The following VWC2 variants were observed in gnomAD, a reference collection of about 807,000 sequenced individuals.
VWC2 encodes the protein brorin.
A neutral mutation model predicts 29.8 loss-of-function variants in VWC2; 14 were observed. That is an observed-to-expected ratio of 0.47 (90% CI 0.31 to 0.74). VWC2 has a LOEUF of 0.74. VWC2 is among the 30% of genes least tolerant of loss of function. The pLI is 0.05. For missense variants in VWC2, 457 were observed against 459.8 expected (o/e 0.99, Z 0.05); for synonymous variants, 213 against 199.0 (o/e 1.07, Z -0.59).
intron 3 of VWC2, among the ~76,000 whole-genome samples, chr7:49,824,383 C>T (rs1450767333): frequency 1.3e-5 from 2 of 152,200 alleles, no homozygotes; most frequent in African/African-American, 4.8e-5. Flanking sequence ...AAAATCAATT[C>T]ACCATATGTG....
At chr7:49,812,357 G>A (rs1789033837) in intron 3 of VWC2, among the ~76,000 whole-genome samples, 1 of 152,068 alleles carries the variant, frequency 6.6e-6, no homozygotes, top group African/African-American at 2.4e-5. Flanking sequence ...AACAAAGATA[G>A]GCAAAGTGAA....
intron 3 of VWC2, among the ~76,000 whole-genome samples, chr7:49,842,617 T>G (rs1789824377): frequency 6.6e-6 from 1 of 152,200 alleles, no homozygotes; most frequent in South Asian, 2.1e-4. Flanking sequence ...AGGAATGTTC[T>G]TATCAGGAAT....
Position 49,775,347 on chromosome 7 carries a change from G to A in VWC2, c.-89G>A. ...TCTCTCCGCAGGGACGGCGGCTCCC[G>A]GCTGGCGGCGGCGCGCCCCCGGGCT... On this transcript the variant is annotated 5_prime_UTR_variant, in exon 2 of 4. Coordinates refer to ENST00000340652, the MANE Select transcript of VWC2 (RefSeq NM_198570.5). 3 of 1,082,530 alleles carry A rather than the reference G, an allele frequency of 2.8e-6. No homozygotes were observed. The African/African-American group carries it at 5.0e-5, about 18-fold the overall frequency. The allele number at this position is 1,082,530 out of a possible 1,614,324, so 67.1% of individuals were successfully genotyped here.
At chr7:49,861,451 T>C (rs1790650627) in intron 3 of VWC2, among the ~76,000 whole-genome samples, 1 of 152,220 alleles carries the variant, frequency 6.6e-6, no homozygotes, top group East Asian at 1.9e-4. Flanking sequence ...GTCTTTTCAC[T>C]GTCTTGATAA....
chr7:49,812,106 A>C (rs949132109), intron 3 of VWC2, among the ~76,000 whole-genome samples: 3 of 152,228 alleles, frequency 2.0e-5, no homozygotes, highest in African/African-American at 7.2e-5. Flanking sequence ...TTGTGAAGGC[A>C]AATTTATATA....
intron 2 of VWC2, among the ~76,000 whole-genome samples, chr7:49,801,740 G>A (rs1436784774): frequency 6.6e-6 from 1 of 152,264 alleles, no homozygotes; most frequent in African/African-American, 2.4e-5. Flanking sequence ...AGAGGACCTT[G>A]TGCTCACAGG....
At chr7:49,902,753 CATTTGAT>C in intron 3 of VWC2, among the ~76,000 whole-genome samples, 1 of 152,078 alleles carries the variant, frequency 6.6e-6, no homozygotes, top group East Asian at 1.9e-4. Context: ...AAAATTGATG[CATTTGAT>C]CGCATTGAAA....
chr7:49,865,495 C>CT (rs762043934), intron 3 of VWC2, among the ~76,000 whole-genome samples: 1 of 152,188 alleles, frequency 6.6e-6, no homozygotes, highest in African/African-American at 2.4e-5. Context: ...GCTGATATGT[C>CT]TGGGCTGGTG....
At chr7:49,811,277 T>C (rs544198379) in intron 3 of VWC2, among the ~76,000 whole-genome samples, 1 of 152,312 alleles carries the variant, frequency 6.6e-6, no homozygotes, top group South Asian at 2.1e-4. Context: ...CCTGGCTGTG[T>C]CCACACCCAA....
At chr7:49,835,457 C>G (rs1789634296) in intron 3 of VWC2, among the ~76,000 whole-genome samples, 3 of 152,134 alleles carry the variant, frequency 2.0e-5, no homozygotes, top group Admixed American at 2.0e-4. Flanking sequence ...TAAAGAGAAT[C>G]AGGACTGAAC....
Position 49,775,521 on chromosome 7 carries a change from C to A in VWC2, c.86C>A (p.Pro29Gln). 6.3e-7 allele frequency: 1 copy of A among 1,577,008 alleles called. No homozygotes were observed. The highest frequency in any genetic ancestry group is 2.4e-5 in the East Asian group (1 of 41,808). ...TCCLMVALCS[P>Q]SIPLEKLAQA... The stretch of plus-strand genomic sequence containing the variant: ...TGCCTGATGGTGGCTCTGTGCAGTC[C>A]GAGCATCCCGCTGGAGAAGCTGGCC... The change falls in exon 2 of 4, where the codon CCG (proline) becomes CAG (glutamine). Residue 29 changes from proline to glutamine, a missense_variant. Physicochemically the swap from Pro to Gln is moderately conservative, Grantham distance 76. Around this residue, in one of 2 missense-constraint regions of VWC2, gnomAD observed 272 missense variants for 202.7 expected, o/e 1.34. Transcript: ENST00000340652.
At chr7:49,854,495 G>C (rs1274069009) in intron 3 of VWC2, among the ~76,000 whole-genome samples, 1 of 152,096 alleles carries the variant, frequency 6.6e-6, no homozygotes, top group South Asian at 2.1e-4. Flanking sequence ...GTGTCTGTTG[G>C]CTGCATAAAT....
rs149354669 is a variant in VWC2 at position 49,892,941 on chromosome 7, C to T, written c.827-19093C>T. 7.0e-4 allele frequency among the ~76,000 whole-genome samples: 60 copies of T among 85,186 alleles called. No homozygotes were observed. In the East Asian group the frequency reaches 0.029, roughly 41 times the overall value. The allele number at this position is 85,186 out of a possible 152,430, so 55.9% of individuals were successfully genotyped here. A position where few individuals can be genotyped will look rare whatever the true frequency, so the allele number is the denominator to read the frequency against. On this transcript the variant is annotated intron_variant, in intron 3 of 3. Coordinates refer to ENST00000340652, the MANE Select transcript of VWC2 (RefSeq NM_198570.5). The stretch of plus-strand genomic sequence containing the variant: ...ATAATTAAGGTTCTGAAAAGATCTT[C>T]AATGAAGAATCCTCACTTAAGTTGT...
intron 2 of VWC2, among the ~76,000 whole-genome samples, chr7:49,788,867 T>G (rs1562704951): frequency 1.6e-5 from 2 of 124,876 alleles, no homozygotes; most frequent in South Asian, 2.8e-4. Flanking sequence ...TGAGCGTGTG[T>G]GTGGGGGGTG....
At chr7:49,838,527 C>T (rs1789717548) in intron 3 of VWC2, among the ~76,000 whole-genome samples, 1 of 151,842 alleles carries the variant, frequency 6.6e-6, no homozygotes, top group African/African-American at 2.4e-5. Context: ...TGTGAGTGCT[C>T]ACAGCTAGAG....
At chr7:49,894,657 T>C (rs1172972494) in intron 3 of VWC2, among the ~76,000 whole-genome samples, 1 of 152,244 alleles carries the variant, frequency 6.6e-6, no homozygotes, top group Non-Finnish European at 1.5e-5. Flanking sequence ...TGTTGGCTCC[T>C]GTCCTGAGGG....
Position 49,821,997 on chromosome 7 carries a change from A to C in VWC2, c.826+19157A>C, listed in dbSNP as rs372140107. The stretch of plus-strand genomic sequence containing the variant: ...AAACCCATCTTTTTATGAATATAAA[A>C]AAATTCTCAGCATGGCAGTAGTGCT... On this transcript the variant is annotated intron_variant, in intron 3 of 3. Coordinates refer to ENST00000340652, the MANE Select transcript of VWC2 (RefSeq NM_198570.5). 3.3e-5 allele frequency among the ~76,000 whole-genome samples: 5 copies of C among 152,214 alleles called. No homozygotes were observed. In the East Asian group the frequency reaches 5.8e-4, roughly 18 times the overall value.
chr7:49,839,966 G>A (rs1455599598), intron 3 of VWC2, among the ~76,000 whole-genome samples: 3 of 152,198 alleles, frequency 2.0e-5, no homozygotes, highest in Admixed American at 6.5e-5. Context: ...TAAAGTCAAA[G>A]CTGTGGCGAG....
At chr7:49,856,853 C>T (rs928002158) in intron 3 of VWC2, among the ~76,000 whole-genome samples, 1 of 151,548 alleles carries the variant, frequency 6.6e-6, no homozygotes, top group East Asian at 1.9e-4. Context: ...ACTAAAAATA[C>T]AAAAAATTAG....
Sources: gnomAD v4.1 joint callset for allele counts (sites outside exome capture counted in the v4.1 genomes callset) on GRCh38, gnomAD v4.1.1 for gene constraint, gnomAD v4.1.1 regional missense constraint, MANE v1.5 for transcripts, NCBI Gene and HGNC (gene_info 2026-07-23, HGNC 2026-07-21) for gene names.